The following PTPRR variants were observed in gnomAD, a reference collection of about 807,000 sequenced individuals.
The protein encoded by PTPRR is receptor-type tyrosine-protein phosphatase R.
Under a neutral mutation model 77.2 loss-of-function variants are expected in PTPRR, and 38 were observed. That is an observed-to-expected ratio of 0.49 (90% CI 0.38 to 0.65). The LOEUF is 0.65. Among genes scored for constraint, PTPRR ranks in the 30% least tolerant of loss-of-function variants. The pLI is 0.00. For synonymous variants in PTPRR, 299 were observed against 283.1 expected (o/e 1.06, Z -0.57); for missense variants, 744 against 799.2 (o/e 0.93, Z 0.83).
intron 2 of PTPRR, among the ~76,000 whole-genome samples, chr12:70,872,155 G>C (rs897263875): frequency 2.0e-5 from 3 of 151,826 alleles, no homozygotes; most frequent in East Asian, 3.9e-4. Context: ...TCTGTAAAAG[G>C]CCATCTAAAA....
chr12:70,810,048 C>T (rs1327804985), intron 2 of PTPRR, among the ~76,000 whole-genome samples: 1 of 152,140 alleles, frequency 6.6e-6, no homozygotes, highest in Admixed American at 6.6e-5. Context: ...AAACAATCAC[C>T]AGCAGTCATG....
At chr12:70,795,941 T>TTTTTG (rs1891504979) in intron 2 of PTPRR, among the ~76,000 whole-genome samples, 6 of 129,952 alleles carry the variant, frequency 4.6e-5, no homozygotes, top group South Asian at 2.4e-4. Context: ...TTTTTTTTTT[T>TTTTTG]GACACAGAGT....
At chr12:70,684,337 C>T in intron 9 of PTPRR, 73 bp from the exon 10 acceptor site, 1 of 1,519,042 alleles carries the variant, frequency 6.6e-7, no homozygotes, top group Non-Finnish European at 9.0e-7. Context: ...GGTGAAAGAT[C>T]TTCAACGAAA....
At chr12:70,643,952 A>T (rs1201638406) in intron 13 of PTPRR, among the ~76,000 whole-genome samples, 1 of 152,074 alleles carries the variant, frequency 6.6e-6, no homozygotes, top group Non-Finnish European at 1.5e-5. Flanking sequence ...AACTTACCTC[A>T]GGTTCATATC....
At chr12:70,712,283 T>C (rs1888853636) in intron 6 of PTPRR, among the ~76,000 whole-genome samples, 1 of 152,066 alleles carries the variant, frequency 6.6e-6, no homozygotes, top group Admixed American at 6.6e-5. Context: ...GATCAGATTC[T>C]TGCCAGTATA....
In PTPRR at chr12:70,709,157, G is replaced by A. The variant is rs550030139; in HGVS notation, c.1008-7834C>T. Reference sequence around the variant, plus strand: ...AAGTAGGCTTTATCCTGGGATGCAAGGTTGGTTCAACATATACAAATCAAT... The same window carrying A: ...AAGTAGGCTTTATCCTGGGATGCAAAGTTGGTTCAACATATACAAATCAAT... On this transcript the variant is annotated intron_variant, in intron 6 of 13. Coordinates refer to ENST00000283228, the MANE Select transcript of PTPRR (RefSeq NM_002849.4). Among the ~76,000 whole-genome samples, 22 of 152,142 alleles carry A rather than the reference G, an allele frequency of 1.4e-4. No homozygotes were observed. In the South Asian group the frequency reaches 4.4e-3, roughly 30 times the overall value.
At chr12:70,870,822 C>A (rs971678965) in intron 2 of PTPRR, among the ~76,000 whole-genome samples, 5 of 152,130 alleles carry the variant, frequency 3.3e-5, no homozygotes, top group African/African-American at 9.7e-5. Context: ...ACATTTTGAC[C>A]AAGATTTCCA....
rs147870451 is a variant in PTPRR at position 70,902,380 on chromosome 12, C to T, written c.59-9403G>A. Among the ~76,000 whole-genome samples, 615 of 151,950 alleles carry T rather than the reference C, an allele frequency of 4.0e-3. 5 individuals are homozygous for T. Among genetic ancestry groups the T allele is most frequent in the African/African-American group, 0.014 (595 of 41,526 alleles). ...ACTTGCAAACACACGTTTATAGCAG[C>T]ACAATTCGCAATTGCAAAATCGTGG... On this transcript the variant is annotated intron_variant, in intron 1 of 13. Transcript: ENST00000283228.
intron 2 of PTPRR, among the ~76,000 whole-genome samples, chr12:70,770,765 C>T (rs1890952469): frequency 6.6e-6 from 1 of 152,066 alleles, no homozygotes; most frequent in Non-Finnish European, 1.5e-5. Flanking sequence ...AAATGTCCAA[C>T]AATGATAGAC....
chr12:70,826,299 G>A (rs979930789), intron 2 of PTPRR, among the ~76,000 whole-genome samples: 7 of 152,158 alleles, frequency 4.6e-5, no homozygotes, highest in African/African-American at 1.4e-4. Context: ...AGGTGCAAAT[G>A]GAACGGTGAT....
chr12:70,733,890 A>T (rs887008870), intron 6 of PTPRR, among the ~76,000 whole-genome samples: 15 of 152,174 alleles, frequency 9.9e-5, no homozygotes, highest in Non-Finnish European at 2.2e-4. Context: ...GGTGAATTTG[A>T]TGAGAGGAGA....
intron 1 of PTPRR, among the ~76,000 whole-genome samples, chr12:70,906,215 C>T (rs1893619164): frequency 6.6e-6 from 1 of 151,956 alleles, no homozygotes. Flanking sequence ...CCCCAATGAG[C>T]CTCAGTCTTC....
chr12:70,784,311 C>T (rs1045795366), intron 2 of PTPRR, among the ~76,000 whole-genome samples: 8 of 152,230 alleles, frequency 5.3e-5, no homozygotes, highest in African/African-American at 1.9e-4. Context: ...TCCCGCTTAT[C>T]CCAGTTCCGC....
chr12:70,698,719 C>T (rs780830487), intron 7 of PTPRR, among the ~76,000 whole-genome samples: 4 of 152,108 alleles, frequency 2.6e-5, no homozygotes, highest in Non-Finnish European at 5.9e-5. Flanking sequence ...TTTTACATAA[C>T]TTTAGTACCA....
At chr12:70,808,738 G>A (rs1277826722) in intron 2 of PTPRR, among the ~76,000 whole-genome samples, 1 of 152,120 alleles carries the variant, frequency 6.6e-6, no homozygotes, top group African/African-American at 2.4e-5. Flanking sequence ...CATTCTCTTA[G>A]ATCCAGACAT....
At position 70,639,178 on chromosome 12, in the gene PTPRR, A is replaced by G; in HGVS notation, c.*6T>C. On this transcript the variant is annotated 3_prime_UTR_variant, in exon 14 of 14. Coordinates refer to ENST00000283228, the MANE Select transcript of PTPRR (RefSeq NM_002849.4). ...GAGATTGATGGTCTGACAAGTCTTC[A>G]ATGACTCACTGGACAGTCTCTGCTG... The G allele has an allele frequency of 6.2e-7, 1 of 1,611,388 alleles. No homozygotes were observed.
intron 2 of PTPRR, among the ~76,000 whole-genome samples, chr12:70,801,264 A>G (rs1891610238): frequency 6.6e-6 from 1 of 152,210 alleles, no homozygotes; most frequent in South Asian, 2.1e-4. Flanking sequence ...TTATGCATCA[A>G]CTTGGCTGGG....
intron 2 of PTPRR, among the ~76,000 whole-genome samples, chr12:70,837,179 C>T (rs1274833423): frequency 6.6e-6 from 1 of 152,048 alleles, no homozygotes; most frequent in Non-Finnish European, 1.5e-5. Flanking sequence ...AGATACTGTA[C>T]ACTGCATTGA....
chr12:70,683,598 A>T (rs1887753294), intron 10 of PTPRR, among the ~76,000 whole-genome samples: 1 of 152,174 alleles, frequency 6.6e-6, no homozygotes, highest in Admixed American at 6.5e-5. Flanking sequence ...ACTGCCTGGT[A>T]TACCCATTCC....
Sources: allele counts gnomAD v4.1 joint callset (sites outside exome capture counted in the v4.1 genomes callset), GRCh38; gene constraint gnomAD v4.1.1; transcripts MANE v1.5; gene names NCBI Gene and HGNC (gene_info 2026-07-23, HGNC 2026-07-21).